The following ACACA variants were observed in gnomAD, a reference collection of about 807,000 sequenced individuals.
ACACA encodes the protein acetyl-CoA carboxylase 1.
ACACA carries 103 observed loss-of-function variants against 296.1 expected under a neutral mutation model. The ratio of observed to expected loss-of-function variants is 0.35; its 90% confidence interval spans 0.30 to 0.41. ACACA has a LOEUF of 0.41. Among genes scored for constraint, ACACA ranks in the 10% least tolerant of loss-of-function variants. The pLI is 1.00. For missense variants in ACACA, 1,554 were observed against 2,989.7 expected, an observed-to-expected ratio of 0.52 and a Z score of 11.20; for synonymous variants, 953 against 1,038.6, an observed-to-expected ratio of 0.92 and a Z score of 1.58.
intron 41 of ACACA, among the ~76,000 whole-genome samples, chr17:37,170,199 G>A (rs573864041): frequency 2.6e-5 from 4 of 152,102 alleles, no homozygotes; most frequent in African/African-American, 9.6e-5. Context: ...GAGCTACAGT[G>A]AATAAGCTAA....
chr17:37,256,924 T>C (rs751784648), intron 14 of ACACA, among the ~76,000 whole-genome samples: 1 of 152,182 alleles, frequency 6.6e-6, no homozygotes, highest in Non-Finnish European at 1.5e-5. Context: ...TATTAAATGT[T>C]TGATACAAGG....
At chr17:37,116,233 C>T (rs2074247777) in intron 50 of ACACA, among the ~76,000 whole-genome samples, 1 of 152,160 alleles carries the variant, frequency 6.6e-6, no homozygotes, top group Non-Finnish European at 1.5e-5. Context: ...AGCCATCCGC[C>T]CACCTCGGCC....
At chr17:37,390,599 C>G (rs1038641845) in intron 1 of ACACA, among the ~76,000 whole-genome samples, 16 of 149,512 alleles carry the variant, frequency 1.1e-4, no homozygotes, top group East Asian at 2.0e-4. Context: ...TATACTCCAG[C>G]CTGGGTGACA....
At chr17:37,229,208 T>G (rs1377232585) in intron 25 of ACACA, among the ~76,000 whole-genome samples, 3 of 152,144 alleles carry the variant, frequency 2.0e-5, no homozygotes, top group Non-Finnish European at 4.4e-5. Context: ...TAGAATGCAT[T>G]CCCTTTAAAA....
intron 1 of ACACA, among the ~76,000 whole-genome samples, chr17:37,388,273 C>T (rs967013280): frequency 1.3e-4 from 20 of 152,216 alleles, no homozygotes; most frequent in African/African-American, 4.3e-4. Flanking sequence ...ATAGGAAAGG[C>T]GACTTTCTAA....
chr17:37,216,056 TAA>T (rs1208151766), intron 29 of ACACA, among the ~76,000 whole-genome samples: 1 of 130,070 alleles, frequency 7.7e-6, no homozygotes, highest in African/African-American at 2.8e-5. Flanking sequence ...AATGACACAT[TAA>T]AAAAAAAAAA....
intron 5 of ACACA, among the ~76,000 whole-genome samples, chr17:37,280,502 T>C (rs2082462919): frequency 6.6e-6 from 1 of 152,192 alleles, no homozygotes; most frequent in African/African-American, 2.4e-5. Context: ...CCACCATGCC[T>C]GGCCCTCCAT....
At chr17:37,285,540 G>A (rs754275859) in intron 3 of ACACA, among the ~76,000 whole-genome samples, 2 of 152,130 alleles carry the variant, frequency 1.3e-5, no homozygotes, top group African/African-American at 2.4e-5. Context: ...TAGGCCGGGT[G>A]CAGTGGCTCA....
intron 6 of ACACA, among the ~76,000 whole-genome samples, chr17:37,277,525 G>A (rs185449093): frequency 6.6e-6 from 1 of 152,200 alleles, no homozygotes; most frequent in African/African-American, 2.4e-5. Flanking sequence ...GGGCTTTAAG[G>A]TACCTACCCT....
chr17:37,321,921 C>T lies in ACACA; in HGVS notation c.338+8252G>A, dbSNP rs892966982. Among the ~76,000 whole-genome samples the T allele has an allele frequency of 6.2e-5, 9 of 144,590 alleles. 1 individual carries two copies. In the South Asian group the frequency reaches 6.5e-4, roughly 10 times the overall value. The allele number at this position is 144,590 out of a possible 152,430, so 94.9% of individuals were successfully genotyped here. A position where few individuals can be genotyped will look rare whatever the true frequency, so the allele number is the denominator to read the frequency against. ...ATCGTGCCACTGCACCCAGCCTGGGCGACAGAGCAAGACTCCATCTCAAAA... is the reference window on the plus strand; with the variant it reads ...ATCGTGCCACTGCACCCAGCCTGGGTGACAGAGCAAGACTCCATCTCAAAA... On this transcript the variant is annotated intron_variant, in intron 3 of 55. Transcript: ENST00000616317.
chr17:37,316,801 G>A (rs563990007), intron 3 of ACACA, among the ~76,000 whole-genome samples: 4 of 152,270 alleles, frequency 2.6e-5, no homozygotes, highest in African/African-American at 9.6e-5. Context: ...GGCCAGGCGA[G>A]GTAGCTCATG....
Position 37,179,352 on chromosome 17 carries a change from G to A in ACACA, c.4987C>T (p.Pro1663Ser). 1.2e-6 allele frequency: 2 copies of A among 1,614,158 alleles called. No homozygotes were observed. Among genetic ancestry groups the A allele is most frequent in the Non-Finnish European group, 1.7e-6 (2 of 1,180,020 alleles). Residue 1663 changes from proline (P) to serine (S), a missense_variant, in exon 41 of 56, where the codon CCT (proline) becomes TCT (serine). Coordinates refer to ENST00000616317, the MANE Select transcript of ACACA (RefSeq NM_198834.3). ...TAAGTCAGCATGTCAGAAGGCAGAGGGGGAGATGGAAGAAATGCTTGAGTG... is the reference window on the plus strand; with the variant it reads ...TAAGTCAGCATGTCAGAAGGCAGAGAGGGAGATGGAAGAAATGCTTGAGTG... ...MSTQAFLPSP[P>S]LPSDMLTYTE...
In ACACA at chr17:37,125,805, G is replaced by A; in HGVS notation, c.5945-11C>T. ...ACTGACCTTTTTGGGCTACAGAAGG[G>A]AAAGAAAGAAAACAGAGAATAAGGA... On this transcript the variant is annotated splice_polypyrimidine_tract_variant and intron_variant, in intron 47 of 55. Coordinates refer to ENST00000616317, the MANE Select transcript of ACACA (RefSeq NM_198834.3). The A allele has an allele frequency of 1.2e-6, 2 of 1,601,270 alleles. No homozygotes were observed. Among genetic ancestry groups the A allele is most frequent in the South Asian group, 1.1e-5 (1 of 90,594 alleles).
At chr17:37,291,342 A>G (rs2083057575) in intron 3 of ACACA, among the ~76,000 whole-genome samples, 1 of 151,556 alleles carries the variant, frequency 6.6e-6, no homozygotes, top group Admixed American at 6.6e-5. Flanking sequence ...ATGCCCGGCT[A>G]ATTTTGTGTT....
intron 42 of ACACA, among the ~76,000 whole-genome samples, chr17:37,156,905 T>C (rs1290702020): frequency 2.0e-5 from 3 of 152,230 alleles, no homozygotes; most frequent in Admixed American, 2.0e-4. Flanking sequence ...TGAGAATGCC[T>C]GACAGCACTG....
Position 37,221,894 on chromosome 17 carries a change from A to C in ACACA, c.3565-52T>G, listed in dbSNP as rs528509804. The C allele has an allele frequency of 1.1e-5, 16 of 1,484,364 alleles. No individual in the cohort carries two copies. In the East Asian group the frequency reaches 3.2e-4, roughly 29 times the overall value. 91.9% of individuals were successfully genotyped at this position (1,484,364 alleles called of 1,614,324 possible). A position where few individuals can be genotyped will look rare whatever the true frequency, so the allele number is the denominator to read the frequency against. Reference sequence around the variant, plus strand: ...TAAATTTCAAAAACAGAAATTAAGAAAATAGCCCAGAAAAAGAGTCTTGAA... The same window carrying C: ...TAAATTTCAAAAACAGAAATTAAGACAATAGCCCAGAAAAAGAGTCTTGAA... On this transcript the variant is annotated intron_variant, in intron 28 of 55. Transcript: ENST00000616317.
At chr17:37,224,850 A>T (rs2079466031) in intron 27 of ACACA, 142 bp downstream of exon 27, 1 of 407,654 alleles carries the variant, frequency 2.5e-6, no homozygotes, top group Non-Finnish European at 4.2e-6. Flanking sequence ...TCATTTTAGA[A>T]AGTCAAGATA....
At chr17:37,218,347 T>C (rs2079130644) in intron 29 of ACACA, among the ~76,000 whole-genome samples, 2 of 152,152 alleles carry the variant, frequency 1.3e-5, no homozygotes, top group Admixed American at 6.5e-5. Flanking sequence ...AAAGAAAAAA[T>C]ATTAACAATT....
chr17:37,395,846 TC>T (rs1468576539), intron 1 of ACACA, among the ~76,000 whole-genome samples: 6 of 152,342 alleles, frequency 3.9e-5, no homozygotes, highest in Non-Finnish European at 8.8e-5. Context: ...CCTAGGCTGT[TC>T]CACCTTTTTA....
Sources: allele counts gnomAD v4.1 joint callset (sites outside exome capture counted in the v4.1 genomes callset), GRCh38; gene constraint gnomAD v4.1.1; transcripts MANE v1.5; gene names NCBI Gene and HGNC (gene_info 2026-07-23, HGNC 2026-07-21).